Variants in RUNX1 observed in about 807,000 individuals in gnomAD.
RUNX1 encodes RUNX family transcription factor 1, also known as runt-related transcription factor 1.
In RUNX1, 19 loss-of-function variants were observed where a neutral mutation model predicts 42.8. That is an observed-to-expected ratio of 0.44 (90% CI 0.31 to 0.65). The LOEUF (loss-of-function observed/expected upper bound fraction) is 0.65. Among genes scored for constraint, RUNX1 ranks in the 30% least tolerant of loss-of-function variants. The probability of loss-of-function intolerance (pLI) is 0.07; values close to 1 mark genes in which losing one functional copy is unlikely to be tolerated. For synonymous variants in RUNX1, 271 were observed against 289.4 expected (o/e 0.94, Z 0.64); for missense variants, 528 against 672.0 (o/e 0.79, Z 2.37).
intron 7 of RUNX1, among the ~76,000 whole-genome samples, chr21:34,815,610 T>G (rs1271612726): frequency 6.6e-6 from 1 of 152,114 alleles, no homozygotes; most frequent in African/African-American, 2.4e-5. Context: ...CAATCTAGAA[T>G]GCTTTTAGAG....
Position 35,004,920 on chromosome 21 carries a change from C to A in RUNX1, c.58+43922G>T, listed in dbSNP as rs562411881. On this transcript the variant is annotated intron_variant, in intron 2 of 8. Transcript: ENST00000675419. ...TTTCAAATTCATCTCACTCTCTTAT[C>A]AGCAGGGGACTTTGATTTGGCTTTT... Among the ~76,000 whole-genome samples the A allele has an allele frequency of 2.1e-4, 32 of 152,302 alleles. 1 individual carries two copies. In the South Asian group the frequency reaches 6.2e-3, roughly 30 times the overall value.
rs548309587 is a variant in RUNX1, at chr21:34,937,592, T to C, written c.59-44629A>G. ...ATATTCAAGGAATAGTTTCTTTCCA[T>C]TGGAAAAAATTTCTGAGAAATTGGA... On this transcript the variant is annotated intron_variant, in intron 2 of 8. Coordinates refer to ENST00000675419, the MANE Select transcript of RUNX1 (RefSeq NM_001754.5). Among the ~76,000 whole-genome samples, 5 of 152,170 alleles carry C rather than the reference T, an allele frequency of 3.3e-5. No individual in the cohort carries two copies. The East Asian group carries it at 5.8e-4, about 18-fold the overall frequency.
At chr21:35,014,915 T>C (rs2146924882) in intron 2 of RUNX1, among the ~76,000 whole-genome samples, 1 of 152,348 alleles carries the variant, frequency 6.6e-6, no homozygotes, top group East Asian at 1.9e-4. Flanking sequence ...GAGCCTGGTC[T>C]TCCCTCCCTG....
At chr21:35,008,259 G>A (rs775418600) in intron 2 of RUNX1, among the ~76,000 whole-genome samples, 2 of 152,166 alleles carry the variant, frequency 1.3e-5, no homozygotes, top group African/African-American at 4.8e-5. Context: ...ACACATTCGA[G>A]TTGGCCTCAT....
At chr21:34,926,375 C>A (rs1334927830) in intron 2 of RUNX1, among the ~76,000 whole-genome samples, 1 of 133,072 alleles carries the variant, frequency 7.5e-6, no homozygotes, top group Non-Finnish European at 1.5e-5. Context: ...GAGGCTGAGA[C>A]AGGAGGATCC....
At chr21:34,889,944 G>A in intron 3 of RUNX1, 1 of 770,016 alleles carries the variant, frequency 1.3e-6, no homozygotes, top group Non-Finnish European at 1.6e-6. Flanking sequence ...TTCCACCGCG[G>A]GCTGCTTTGT....
intron 2 of RUNX1, among the ~76,000 whole-genome samples, chr21:35,021,894 G>A (rs569185557): frequency 7.2e-5 from 11 of 152,302 alleles, no homozygotes; most frequent in African/African-American, 1.2e-4. Flanking sequence ...CTCATAAGGC[G>A]GAAGAAGGCA....
chr21:35,026,424 A>G (rs2059237160), intron 2 of RUNX1, among the ~76,000 whole-genome samples: 1 of 152,242 alleles, frequency 6.6e-6, no homozygotes, highest in Non-Finnish European at 1.5e-5. Context: ...ACTCTCTCCA[A>G]GAAGAAAAGC....
chr21:34,927,547 T>G lies in RUNX1; in HGVS notation c.59-34584A>C, dbSNP rs1032446637. 2.0e-5 allele frequency among the ~76,000 whole-genome samples: 3 copies of G among 152,222 alleles called. No individual in the cohort carries two copies. The East Asian group carries it at 5.8e-4, about 29-fold the overall frequency. The stretch of plus-strand genomic sequence containing the variant: ...GATGCAGGGGGCTACTCATTTCTCC[T>G]GAGCCTTTTCCTTTGACTATAGATG... On this transcript the variant is annotated intron_variant, in intron 2 of 8. Coordinates refer to ENST00000675419, the MANE Select transcript of RUNX1 (RefSeq NM_001754.5).
chr21:34,964,255 G>T (rs562203297), intron 2 of RUNX1, among the ~76,000 whole-genome samples: 1 of 152,258 alleles, frequency 6.6e-6, no homozygotes, highest in East Asian at 1.9e-4. Flanking sequence ...ATGGGAGGCC[G>T]AGGTGAGCAG....
At chr21:34,868,212 A>G (rs1401920430) in intron 5 of RUNX1, among the ~76,000 whole-genome samples, 2 of 152,078 alleles carry the variant, frequency 1.3e-5, no homozygotes, top group Non-Finnish European at 2.9e-5. Context: ...CATCTACCAA[A>G]TGGGGTCCTT....
chr21:34,999,214 C>T (rs1346738859), intron 2 of RUNX1, among the ~76,000 whole-genome samples: 1 of 152,178 alleles, frequency 6.6e-6, no homozygotes, highest in Non-Finnish European at 1.5e-5. Context: ...GGCAGAGGTT[C>T]CTGAAATGAA....
chr21:34,971,931 G>A (rs1430832730), intron 2 of RUNX1, among the ~76,000 whole-genome samples: 1 of 152,208 alleles, frequency 6.6e-6, no homozygotes, highest in South Asian at 2.1e-4. Context: ...ACTGAGGAAT[G>A]ATCTCAGGCA....
intron 2 of RUNX1, among the ~76,000 whole-genome samples, chr21:35,044,360 G>A (rs555960052): frequency 5.3e-5 from 8 of 152,174 alleles, no homozygotes; most frequent in Admixed American, 2.0e-4. Context: ...AGCAGACAGC[G>A]GTTGACTGGC....
chr21:34,895,878 G>A (rs1051994610), intron 2 of RUNX1, among the ~76,000 whole-genome samples: 1 of 152,084 alleles, frequency 6.6e-6, no homozygotes, highest in African/African-American at 2.4e-5. Flanking sequence ...AGAAAAATAA[G>A]TCTGTCAACA....
intron 2 of RUNX1, among the ~76,000 whole-genome samples, chr21:34,974,526 A>AT (rs770089209): frequency 2.6e-5 from 4 of 152,170 alleles, no homozygotes; most frequent in Non-Finnish European, 4.4e-5. Context: ...TTTACATTTC[A>AT]TGTTCCATTT....
chr21:34,950,501 G>A (rs2058598710), intron 2 of RUNX1, among the ~76,000 whole-genome samples: 1 of 152,138 alleles, frequency 6.6e-6, no homozygotes, highest in Non-Finnish European at 1.5e-5. Context: ...CACTTTGGGA[G>A]GCCGAGGCAG....
In RUNX1 at chr21:34,790,282, TG is replaced by T. The variant is rs1284081011; in HGVS notation, c.*1852del. 4.3e-6 allele frequency: 1 copy of T among 233,486 alleles called. No individual in the cohort carries two copies. The highest frequency in any genetic ancestry group is 6.0e-5 in the East Asian group (1 of 16,546). 14.5% of individuals were successfully genotyped at this position (233,486 alleles called of 1,614,324 possible). ...TGTTTTAAATAAGTCCAGCTGTTTT[TG>T]CTGCCTGCAGCCAAAGATTTGCCTA... On this transcript the variant is annotated 3_prime_UTR_variant, in exon 9 of 9. Transcript: ENST00000675419.
intron 2 of RUNX1, among the ~76,000 whole-genome samples, chr21:34,894,985 A>G (rs1327039309): frequency 6.6e-6 from 1 of 151,508 alleles, no homozygotes; most frequent in Non-Finnish European, 1.5e-5. Flanking sequence ...CTTTTGGATC[A>G]TGATTATTTT....
Sources: gnomAD v4.1 joint callset for allele counts (sites outside exome capture counted in the v4.1 genomes callset) on GRCh38, gnomAD v4.1.1 for gene constraint, MANE v1.5 for transcripts, NCBI Gene and HGNC (gene_info 2026-07-23, HGNC 2026-07-21) for gene names.